Variants in ESRRG observed in about 807,000 individuals in gnomAD.
ESRRG encodes estrogen related receptor gamma.
Under a neutral mutation model 44.0 loss-of-function variants are expected in ESRRG, and 13 were observed. The ratio of observed to expected loss-of-function variants is 0.30; its 90% CI spans 0.19 to 0.47. The LOEUF is 0.47. ESRRG is among the 20% of genes least tolerant of loss of function. The pLI is 1.00. For synonymous variants in ESRRG, 215 were observed against 214.6 expected, an observed-to-expected ratio of 1.00 and a Z score of -0.02; for missense variants, 395 against 580.6, an observed-to-expected ratio of 0.68 and a Z score of 3.29.
intron 2 of ESRRG, among the ~76,000 whole-genome samples, chr1:216,914,336 G>T (rs745428431): frequency 6.6e-6 from 1 of 151,960 alleles, no homozygotes; most frequent in Non-Finnish European, 1.5e-5. Flanking sequence ...GTGTAGTATC[G>T]CATATTTAAC....
chr1:216,820,953 G>A (rs1310766306), intron 2 of ESRRG, among the ~76,000 whole-genome samples: 1 of 152,034 alleles, frequency 6.6e-6, no homozygotes, highest in African/African-American at 2.4e-5. Context: ...CTGCCTTTGT[G>A]GACTGATCAT....
Position 216,912,176 on chromosome 1 carries a change from AAAAGAAAAGGAGAGG to A in ESRRG, c.-14+27391_-14+27405del, listed in dbSNP as rs1560082689. On this transcript the variant is annotated intron_variant, in intron 2 of 7. Transcript: ENST00000359162. ...AAAAGAAAAGAAAAGAAAAGAAAAG[AAAAGAAAAGGAGAGG>A]AGAGGAGAGGAGAGGAGAGGAGAGG... Among the ~76,000 whole-genome samples, 230 of 30,066 alleles carry A rather than the reference AAAAGAAAAGGAGAGG, an allele frequency of 7.6e-3. 19 individuals carry two copies. The highest frequency in any genetic ancestry group is 0.011 in the Non-Finnish European group (173 of 16,428). The allele number at this position is 30,066 out of a possible 152,430, so 19.7% of individuals were successfully genotyped here.
intron 1 of ESRRG, among the ~76,000 whole-genome samples, chr1:216,979,894 C>T (rs1470709606): frequency 6.6e-6 from 1 of 152,086 alleles, no homozygotes; most frequent in Non-Finnish European, 1.5e-5. Context: ...CATTGAGCCA[C>T]TCACTCTTTG....
chr1:216,873,392 A>T (rs1167183636), intron 2 of ESRRG, among the ~76,000 whole-genome samples: 1 of 151,790 alleles, frequency 6.6e-6, no homozygotes, highest in Non-Finnish European at 1.5e-5. Flanking sequence ...TTGTATTTTT[A>T]GTAGAGATGG....
At chr1:216,549,778 CT>C (rs2055705673) in intron 5 of ESRRG, among the ~76,000 whole-genome samples, 1 of 152,126 alleles carries the variant, frequency 6.6e-6, no homozygotes, top group African/African-American at 2.4e-5. Context: ...CATTTTCCCC[CT>C]GAAGGAAAAC....
chr1:216,654,334 A>G (rs2069841662), intron 2 of ESRRG, among the ~76,000 whole-genome samples: 1 of 152,128 alleles, frequency 6.6e-6, no homozygotes, highest in South Asian at 2.1e-4. Flanking sequence ...AACTTTAAAA[A>G]TAGAAGAAAA....
chr1:216,530,863 T>A (rs2049166464), intron 5 of ESRRG, among the ~76,000 whole-genome samples: 1 of 152,132 alleles, frequency 6.6e-6, no homozygotes, highest in Non-Finnish European at 1.5e-5. Flanking sequence ...ATAGACTTGG[T>A]GTTTGTGGAG....
chr1:216,513,263 A>T (rs2043241636), intron 6 of ESRRG, among the ~76,000 whole-genome samples: 1 of 152,174 alleles, frequency 6.6e-6, no homozygotes, highest in African/African-American at 2.4e-5. Flanking sequence ...TCTAGAAAGT[A>T]ATGAATCAAG....
chr1:216,514,835 T>A (rs531326636), intron 6 of ESRRG, among the ~76,000 whole-genome samples: 4 of 152,006 alleles, frequency 2.6e-5, no homozygotes, highest in Admixed American at 6.6e-5. Context: ...AAAAAGGAAA[T>A]GTCTACAGAA....
At chr1:216,584,725 A>T (rs1343752248) in intron 3 of ESRRG, among the ~76,000 whole-genome samples, 1 of 152,174 alleles carries the variant, frequency 6.6e-6, no homozygotes, top group Non-Finnish European at 1.5e-5. Flanking sequence ...CATGTACTTT[A>T]CTTGCTACTT....
chr1:216,930,446 C>G (rs911639386), intron 2 of ESRRG, among the ~76,000 whole-genome samples: 1 of 152,180 alleles, frequency 6.6e-6, no homozygotes, highest in Admixed American at 6.5e-5. Flanking sequence ...CATTTTCAGA[C>G]TGACTTTACA....
intron 1 of ESRRG, among the ~76,000 whole-genome samples, chr1:216,940,257 A>C (rs1055756154): frequency 2.0e-5 from 3 of 152,210 alleles, no homozygotes; most frequent in Non-Finnish European, 2.9e-5. Context: ...ACATACACTA[A>C]TGATGTTTTA....
chr1:216,866,064 C>A (rs1425635126), intron 2 of ESRRG, among the ~76,000 whole-genome samples: 1 of 152,192 alleles, frequency 6.6e-6, no homozygotes, highest in East Asian at 1.9e-4. Context: ...TGTGTTAACA[C>A]AGAAATTCTG....
At chr1:216,642,331 G>T (rs1356183929) in intron 3 of ESRRG, among the ~76,000 whole-genome samples, 1 of 151,886 alleles carries the variant, frequency 6.6e-6, no homozygotes, top group Non-Finnish European at 1.5e-5. Flanking sequence ...AAAAATCTGT[G>T]TTATTAGTCT....
chr1:216,600,771 C>T (rs988476158), intron 3 of ESRRG, among the ~76,000 whole-genome samples: 4 of 152,282 alleles, frequency 2.6e-5, no homozygotes, highest in Admixed American at 6.5e-5. Context: ...GTCGTTTTCA[C>T]CCAGATTTCC....
At position 216,982,226 on chromosome 1, in the gene ESRRG, C is replaced by T. The variant is rs748503669; in HGVS notation, c.-105-42553G>A. ...AGAAGAAAATCATGCAGTGTAAGTT[C>T]TCTGATTCAGATACCATAGTACAGC... On this transcript the variant is annotated intron_variant, in intron 1 of 7. Coordinates refer to the ESRRG transcript ENST00000359162. Among the ~76,000 whole-genome samples, 483 of 152,248 alleles carry T rather than the reference C, an allele frequency of 3.2e-3. 5 individuals are homozygous for T. The highest frequency in any genetic ancestry group is 3.5e-3 in the Non-Finnish European group (240 of 68,028).
intron 1 of ESRRG, among the ~76,000 whole-genome samples, chr1:217,095,200 T>C (rs1453611609): frequency 6.6e-6 from 1 of 152,230 alleles, no homozygotes; most frequent in Non-Finnish European, 1.5e-5. Flanking sequence ...CCAAATGTCA[T>C]GATGGCCACA....
intron 3 of ESRRG, among the ~76,000 whole-genome samples, chr1:216,587,297 A>G (rs539558079): frequency 2.6e-5 from 4 of 152,320 alleles, no homozygotes; most frequent in African/African-American, 9.6e-5. Context: ...TGATTACAGT[A>G]TGTGCCCACT....
At chr1:216,761,176 T>G (rs1360761585) in intron 2 of ESRRG, among the ~76,000 whole-genome samples, 1 of 151,724 alleles carries the variant, frequency 6.6e-6, no homozygotes, top group South Asian at 2.1e-4. Flanking sequence ...AAAAAAAAAT[T>G]TTCTTGTTCT....
Sources: allele counts gnomAD v4.1 joint callset (sites outside exome capture counted in the v4.1 genomes callset), GRCh38; gene constraint gnomAD v4.1.1; transcripts MANE v1.5; gene names NCBI Gene and HGNC (gene_info 2026-07-23, HGNC 2026-07-21).